RIMS2: variants seen among roughly 807,000 people sequenced by gnomAD.
RIMS2 encodes the protein regulating synaptic membrane exocytosis protein 2.
A neutral mutation model predicts 174.4 loss-of-function variants in RIMS2; 59 were observed. The observed-to-expected ratio is 0.34, with a 90% CI of 0.27 to 0.42. The LOEUF (loss-of-function observed/expected upper bound fraction) is 0.42, where lower values mean the gene tolerates loss of function less well. RIMS2 is among the 10% of genes least tolerant of loss of function. The pLI, the probability that RIMS2 is intolerant of heterozygous loss-of-function variation, is 1.00. For synonymous variants in RIMS2, 606 were observed against 572.5 expected, an observed-to-expected ratio of 1.06 and a Z score of -0.84; for missense variants, 1,620 against 1,666.3, an observed-to-expected ratio of 0.97 and a Z score of 0.48.
chr8:104,090,768 G>A (rs1781238984), intron 19 of RIMS2, among the ~76,000 whole-genome samples: 1 of 151,600 alleles, frequency 6.6e-6, no homozygotes, highest in Non-Finnish European at 1.5e-5. Context: ...TGGTAAAGTT[G>A]GGTTTAATAT....
At position 103,921,669 on chromosome 8, in the gene RIMS2, C is replaced by T. The variant is rs769688432; in HGVS notation, c.2084-3C>T. On this transcript the variant is annotated splice_polypyrimidine_tract_variant and splice_region_variant and intron_variant, in intron 9 of 23. Coordinates refer to ENST00000504942, the Ensembl canonical transcript of RIMS2. ...TATTCGTTATGTGTAATTATCGTTTCAGGTTCTAGCTCCTTTGAATCTCAA... is the reference window on the plus strand; with the variant it reads ...TATTCGTTATGTGTAATTATCGTTTTAGGTTCTAGCTCCTTTGAATCTCAA... The T allele has an allele frequency of 4.2e-6, 5 of 1,183,054 alleles. No homozygotes were observed. The highest frequency in any genetic ancestry group is 6.4e-6 in the Non-Finnish European group (5 of 787,126). 73.3% of individuals were successfully genotyped at this position (1,183,054 alleles called of 1,614,324 possible). A position where few individuals can be genotyped will look rare whatever the true frequency, so the allele number is the denominator to read the frequency against.
At chr8:103,647,739 G>A (rs1028221991) in intron 1 of RIMS2, among the ~76,000 whole-genome samples, 2 of 151,838 alleles carry the variant, frequency 1.3e-5, no homozygotes, top group Non-Finnish European at 1.5e-5. Flanking sequence ...TCTGATGGTC[G>A]TTTATATTTC....
chr8:103,524,848 C>A (rs954479524), intron 1 of RIMS2, among the ~76,000 whole-genome samples: 1 of 152,180 alleles, frequency 6.6e-6, no homozygotes, highest in Non-Finnish European at 1.5e-5. Context: ...GCTGCTAGAA[C>A]CAGAGACCAT....
intron 19 of RIMS2, among the ~76,000 whole-genome samples, chr8:104,128,522 CA>C (rs1469282564): frequency 6.6e-6 from 1 of 151,920 alleles, no homozygotes; most frequent in African/African-American, 2.4e-5. Context: ...CATGGAGAAA[CA>C]CCCATCTCTA....
At chr8:103,559,224 CCTT>C (rs992612201) in intron 1 of RIMS2, 8 of 201,436 alleles carry the variant, frequency 4.0e-5, no homozygotes, top group African/African-American at 9.6e-5. Flanking sequence ...CTCCCCACTT[CCTT>C]CTTCTTCTTT....
intron 2 of RIMS2, among the ~76,000 whole-genome samples, chr8:103,737,051 C>G (rs1296925454): frequency 6.6e-6 from 1 of 151,826 alleles, no homozygotes; most frequent in African/African-American, 2.4e-5. Context: ...GACTTGTTTC[C>G]TTAGATATGT....
chr8:104,159,178 T>C (rs12547371), intron 19 of RIMS2, among the ~76,000 whole-genome samples: 43,172 of 152,054 alleles, frequency 0.28, 6,304 homozygotes, highest in Non-Finnish European at 0.32. Context: ...CTTGTTTTTG[T>C]CAGGTTTGTC....
chr8:103,814,743 A>G, intron 3 of RIMS2, among the ~76,000 whole-genome samples: 1 of 151,998 alleles, frequency 6.6e-6, no homozygotes, highest in East Asian at 1.9e-4. Flanking sequence ...TTCAGGCATG[A>G]TGGTGCACAC....
At chr8:103,987,163 AT>A (rs968173072) in intron 16 of RIMS2, among the ~76,000 whole-genome samples, 16 of 149,082 alleles carry the variant, frequency 1.1e-4, no homozygotes, top group African/African-American at 2.2e-4. Flanking sequence ...TTCCTTTTTC[AT>A]TTTTTTTTTC....
chr8:103,575,183 C>A (rs943589900), intron 1 of RIMS2, among the ~76,000 whole-genome samples: 1 of 152,038 alleles, frequency 6.6e-6, no homozygotes, highest in Non-Finnish European at 1.5e-5. Context: ...CCATTGAACA[C>A]GTGGAAAGTG....
intron 19 of RIMS2, among the ~76,000 whole-genome samples, chr8:104,112,798 C>T (rs10092540): frequency 0.26 from 39,073 of 152,030 alleles, 5,731 homozygotes; most frequent in African/African-American, 0.41. Context: ...TAGCACAGCA[C>T]AGGTCCTCAG....
intron 1 of RIMS2, among the ~76,000 whole-genome samples, chr8:103,571,953 G>T (rs1336708644): frequency 6.6e-6 from 1 of 152,174 alleles, no homozygotes; most frequent in Non-Finnish European, 1.5e-5. Context: ...AGAAGCAACA[G>T]CGTCAATAAT....
intron 19 of RIMS2, among the ~76,000 whole-genome samples, chr8:104,083,965 C>T (rs2097483147): frequency 6.6e-6 from 1 of 151,900 alleles, no homozygotes; most frequent in African/African-American, 2.4e-5. Flanking sequence ...TATATATTAT[C>T]TGTAAAAGGT....
At chr8:104,056,395 C>A (rs781299752) in intron 19 of RIMS2, among the ~76,000 whole-genome samples, 1 of 145,122 alleles carries the variant, frequency 6.9e-6, no homozygotes, top group Non-Finnish European at 1.5e-5. Context: ...CAGAGTGAGA[C>A]TCCATCTTAA....
chr8:103,769,125 G>A (rs947604060), intron 3 of RIMS2: 1 of 171,614 alleles, frequency 5.8e-6, no homozygotes, highest in Non-Finnish European at 1.3e-5. Flanking sequence ...ACATGAGATA[G>A]CTTTTTGTGG....
At chr8:103,844,354 G>GA (rs2098956847) in intron 3 of RIMS2, among the ~76,000 whole-genome samples, 1 of 152,126 alleles carries the variant, frequency 6.6e-6, no homozygotes, top group Non-Finnish European at 1.5e-5. Context: ...TTGAAAAGAG[G>GA]AAAATATTGT....
chr8:103,764,676 A>G (rs2098149198), intron 2 of RIMS2, among the ~76,000 whole-genome samples: 1 of 152,178 alleles, frequency 6.6e-6, no homozygotes, highest in African/African-American at 2.4e-5. Context: ...ACATACATAT[A>G]TTGATATTAT....
intron 3 of RIMS2, among the ~76,000 whole-genome samples, chr8:103,818,062 A>G (rs568029280): frequency 3.9e-5 from 6 of 152,220 alleles, no homozygotes; most frequent in East Asian, 1.9e-4. Flanking sequence ...GAAGAAACCC[A>G]TAATTGAACA....
chr8:103,748,144 A>G (rs563135929), intron 2 of RIMS2, among the ~76,000 whole-genome samples: 4 of 152,208 alleles, frequency 2.6e-5, no homozygotes, highest in South Asian at 4.2e-4. Context: ...CATTAACCTT[A>G]AAGTTTTCAA....
Sources: gnomAD v4.1 joint callset for allele counts (sites outside exome capture counted in the v4.1 genomes callset) on GRCh38, gnomAD v4.1.1 for gene constraint, MANE v1.5 for transcripts, NCBI Gene and HGNC (gene_info 2026-07-23, HGNC 2026-07-21) for gene names.